Variants in SYT16 observed in about 807,000 individuals in gnomAD.
SYT16 encodes synaptotagmin-16.
In SYT16, 42 loss-of-function variants were observed where a neutral mutation model predicts 61.4. The observed-to-expected ratio is 0.68, with a 90% CI of 0.53 to 0.89. The LOEUF (loss-of-function observed/expected upper bound fraction) is 0.89, where lower values mean the gene tolerates loss of function less well. Among genes scored for constraint, SYT16 ranks in the 40% least tolerant of loss-of-function variants. The pLI, the probability that SYT16 is intolerant of heterozygous loss-of-function variation, is 0.00. For synonymous variants in SYT16, 314 were observed against 302.3 expected (o/e 1.04, Z -0.40); for missense variants, 804 against 807.3 (o/e 1.00, Z 0.05).
intron 3 of SYT16, among the ~76,000 whole-genome samples, chr14:62,004,183 A>G (rs1432219868): frequency 6.6e-6 from 1 of 152,216 alleles, no homozygotes; most frequent in Non-Finnish European, 1.5e-5. Flanking sequence ...GAAGAAACTT[A>G]CAATTATGGC....
intron 2 of SYT16, among the ~76,000 whole-genome samples, chr14:61,979,831 G>A (rs948203132): frequency 6.6e-6 from 1 of 152,076 alleles, no homozygotes; most frequent in Non-Finnish European, 1.5e-5. Flanking sequence ...GCAGTGAGTC[G>A]AGATTGTGCC....
Position 62,000,847 on chromosome 14 carries a change from A to C in SYT16, c.523+4305A>C, listed in dbSNP as rs188980471. Among the ~76,000 whole-genome samples the C allele has an allele frequency of 5.3e-4, 79 of 149,652 alleles. 1 individual carries two copies. The highest frequency in any genetic ancestry group is 9.6e-4 in the Non-Finnish European group (65 of 67,902). On this transcript the variant is annotated intron_variant, in intron 3 of 7. Transcript: ENST00000683842. The stretch of plus-strand genomic sequence containing the variant: ...ATTCTTCCTGCTTATCCTTTGTTTT[A>C]TTGATGTCATATATTTTAGTCTTAT...
chr14:62,102,735 C>A lies in SYT16; in HGVS notation c.*2028C>A, dbSNP rs1329206230. The A allele has an allele frequency of 6.6e-6, 1 of 152,164 alleles. No individual in the cohort carries two copies. The highest frequency in any genetic ancestry group is 1.5e-5 in the Non-Finnish European group (1 of 68,028). 9.4% of individuals were successfully genotyped at this position (152,164 alleles called of 1,614,324 possible). A position where few individuals can be genotyped will look rare whatever the true frequency, so the allele number is the denominator to read the frequency against. ...TTTAAAATTTACATTTGAAAAAAAT[C>A]TGTATATATTGTACAGACAGCCCTG... On this transcript the variant is annotated 3_prime_UTR_variant, in exon 8 of 8. Transcript: ENST00000683842.
chr14:62,055,591 G>T (rs1252503927), intron 3 of SYT16, among the ~76,000 whole-genome samples: 2 of 152,068 alleles, frequency 1.3e-5, no homozygotes, highest in African/African-American at 2.4e-5. Context: ...TGATGGATTT[G>T]GTCTGGCGGG....
chr14:61,864,997 C>T (rs1053789516), intron 1 of SYT16: 21 of 1,401,798 alleles, frequency 1.5e-5, no homozygotes, highest in African/African-American at 7.1e-5. Context: ...ACAGTGGCAG[C>T]CTGTTGCTCT....
At chr14:61,889,606 GTCTCCCTCC>G (rs1272244342) in intron 1 of SYT16, among the ~76,000 whole-genome samples, 8 of 150,460 alleles carry the variant, frequency 5.3e-5, no homozygotes, top group African/African-American at 2.0e-4. Context: ...CTCTCTCTCT[GTCTCCCTCC>G]CTCTCTCTCT....
At chr14:62,022,674 T>C (rs746536164) in intron 3 of SYT16, among the ~76,000 whole-genome samples, 32 of 152,098 alleles carry the variant, frequency 2.1e-4, no homozygotes, top group Admixed American at 1.2e-3. Context: ...ATTTGTGCTT[T>C]TTTTACTATC....
At chr14:61,989,750 C>G (rs1258563733) in intron 2 of SYT16, among the ~76,000 whole-genome samples, 2 of 152,138 alleles carry the variant, frequency 1.3e-5, no homozygotes, top group Admixed American at 1.3e-4. Flanking sequence ...CCAAGACAGC[C>G]TTGTTTTGTA....
intron 1 of SYT16, among the ~76,000 whole-genome samples, chr14:61,861,593 G>T (rs79977322): frequency 0.14 from 20,823 of 152,072 alleles, 1,587 homozygotes; most frequent in African/African-American, 0.2. Flanking sequence ...TTTGTAGAAA[G>T]GGGGTTTTGG....
In SYT16 at chr14:61,821,493, G is replaced by T. The variant is rs371288536; in HGVS notation, c.-325+8683G>T. Among the ~76,000 whole-genome samples the T allele has an allele frequency of 8.5e-5, 13 of 152,274 alleles. No individual in the cohort carries two copies. In the East Asian group the frequency reaches 2.1e-3, roughly 25 times the overall value. On this transcript the variant is annotated intron_variant, in intron 1 of 7. Coordinates refer to ENST00000683842, the MANE Select transcript of SYT16 (RefSeq NM_001367656.1). ...GGCTTTCATCTGAAGGCTTGAGTGG[G>T]GCAGATCCACTACTGAGCTCATGGG...
At chr14:61,898,902 G>A (rs552869813) in intron 1 of SYT16, among the ~76,000 whole-genome samples, 2 of 152,246 alleles carry the variant, frequency 1.3e-5, no homozygotes, top group African/African-American at 4.8e-5. Flanking sequence ...AGAGAGGGAC[G>A]AAGAATACTC....
chr14:61,820,019 T>C (rs1468129292), intron 1 of SYT16, among the ~76,000 whole-genome samples: 1 of 152,176 alleles, frequency 6.6e-6, no homozygotes, highest in Non-Finnish European at 1.5e-5. Context: ...ACAATCTGAC[T>C]CAGAAACAGG....
At chr14:61,823,239 C>T (rs2045668533) in intron 1 of SYT16, among the ~76,000 whole-genome samples, 1 of 152,146 alleles carries the variant, frequency 6.6e-6, no homozygotes, top group East Asian at 1.9e-4. Flanking sequence ...GATCCTTCCA[C>T]CTCAGCCTCC....
chr14:62,013,832 T>C (rs1218332458), intron 3 of SYT16, among the ~76,000 whole-genome samples: 1 of 152,090 alleles, frequency 6.6e-6, no homozygotes, highest in Non-Finnish European at 1.5e-5. Flanking sequence ...GGCATAGTGG[T>C]GGGCACCTGT....
At chr14:62,009,019 C>G (rs1304146712) in intron 3 of SYT16, among the ~76,000 whole-genome samples, 1 of 152,120 alleles carries the variant, frequency 6.6e-6, no homozygotes, top group Non-Finnish European at 1.5e-5. Flanking sequence ...TAGGTAGTTT[C>G]TTTCCTGGTC....
chr14:62,061,631 G>A (rs180924936), intron 3 of SYT16, among the ~76,000 whole-genome samples: 1 of 152,188 alleles, frequency 6.6e-6, no homozygotes, highest in African/African-American at 2.4e-5. Flanking sequence ...TTCAAGACAA[G>A]GAGTATTAGG....
intron 1 of SYT16, among the ~76,000 whole-genome samples, chr14:61,825,098 T>G (rs1186883325): frequency 6.6e-6 from 1 of 152,242 alleles, no homozygotes; most frequent in African/African-American, 2.4e-5. Flanking sequence ...TAGGTTATTC[T>G]GGAACAAATC....
Position 62,100,807 on chromosome 14 carries a change from C to T in SYT16, c.*100C>T, listed in dbSNP as rs2057402670. The T allele has an allele frequency of 1.7e-6, 2 of 1,211,130 alleles. No homozygotes were observed. The highest frequency in any genetic ancestry group is 5.2e-5 in the Admixed American group (2 of 38,482). The allele number at this position is 1,211,130 out of a possible 1,614,324, so 75.0% of individuals were successfully genotyped here. A position where few individuals can be genotyped will look rare whatever the true frequency, so the allele number is the denominator to read the frequency against. On this transcript the variant is annotated 3_prime_UTR_variant, in exon 8 of 8. Transcript: ENST00000683842. The stretch of plus-strand genomic sequence containing the variant: ...GGCAAGGGTTTCAGGGTTTCAAAAA[C>T]AGATTCCACTAACCCCTAGGACATT...
intron 2 of SYT16, among the ~76,000 whole-genome samples, chr14:61,988,336 A>C (rs2052406136): frequency 6.6e-6 from 1 of 152,214 alleles, no homozygotes. Context: ...TCTCTTTAAA[A>C]ATATTGTGTC....
Sources: allele counts gnomAD v4.1 joint callset (sites outside exome capture counted in the v4.1 genomes callset), GRCh38; gene constraint gnomAD v4.1.1; transcripts MANE v1.5; gene names NCBI Gene and HGNC (gene_info 2026-07-23, HGNC 2026-07-21).